KIAA1328: variants seen among roughly 807,000 people sequenced by gnomAD.
KIAA1328 encodes KIAA1328.
A neutral mutation model predicts 68.1 loss-of-function variants in KIAA1328; 52 were observed. The ratio of observed to expected loss-of-function variants is 0.76; its 90% CI spans 0.61 to 0.96. The LOEUF (loss-of-function observed/expected upper bound fraction) is 0.96. KIAA1328 is among the 40% of genes least tolerant of loss of function. The pLI is 0.00. For missense variants in KIAA1328, 641 were observed against 677.6 expected (o/e 0.95, Z 0.60); for synonymous variants, 232 against 239.4 (o/e 0.97, Z 0.28).
At chr18:37,049,801 A>G (rs967592130) in intron 6 of KIAA1328, among the ~76,000 whole-genome samples, 5 of 152,152 alleles carry the variant, frequency 3.3e-5, no homozygotes, top group Non-Finnish European at 5.9e-5. Context: ...TTATTTGTCT[A>G]CAAATAGAGT....
At chr18:37,012,705 A>C (rs904208074) in intron 6 of KIAA1328, among the ~76,000 whole-genome samples, 9 of 152,202 alleles carry the variant, frequency 5.9e-5, no homozygotes, top group African/African-American at 1.9e-4. Flanking sequence ...TCTGTAAGCT[A>C]GAGACTAATT....
At chr18:37,179,237 AT>A (rs1216772392) in intron 9 of KIAA1328, among the ~76,000 whole-genome samples, 1 of 151,998 alleles carries the variant, frequency 6.6e-6, no homozygotes, top group African/African-American at 2.4e-5. Flanking sequence ...TTTTGATTTG[AT>A]TTTTGTATCT....
At chr18:37,129,902 C>A (rs2058482122) in intron 7 of KIAA1328, among the ~76,000 whole-genome samples, 1 of 151,904 alleles carries the variant, frequency 6.6e-6, no homozygotes, top group Non-Finnish European at 1.5e-5. Context: ...CTTCCTCCTA[C>A]CTAGTGTGGA....
chr18:36,977,558 TTGTC>T (rs1301245852), intron 6 of KIAA1328, among the ~76,000 whole-genome samples: 1 of 152,118 alleles, frequency 6.6e-6, no homozygotes, highest in African/African-American at 2.4e-5. Flanking sequence ...CTCAGATAAT[TTGTC>T]TGAGTACTCA....
chr18:36,869,033 A>T (rs1161987219), intron 4 of KIAA1328, among the ~76,000 whole-genome samples: 2 of 147,860 alleles, frequency 1.4e-5, no homozygotes, highest in Non-Finnish European at 3.0e-5. Context: ...TCAGTGACTC[A>T]GGTTTTTTTC....
At chr18:36,924,374 T>C (rs577068072) in intron 5 of KIAA1328, among the ~76,000 whole-genome samples, 4 of 151,944 alleles carry the variant, frequency 2.6e-5, no homozygotes, top group African/African-American at 9.7e-5. Flanking sequence ...AATGAGCATA[T>C]AAGGAAGGAG....
intron 6 of KIAA1328, among the ~76,000 whole-genome samples, chr18:37,001,625 T>C (rs1238436099): frequency 6.6e-6 from 1 of 152,102 alleles, no homozygotes; most frequent in African/African-American, 2.4e-5. Context: ...AACAGTATAC[T>C]AGCAAACCAA....
At chr18:37,156,525 GT>G (rs2059157169) in intron 7 of KIAA1328, among the ~76,000 whole-genome samples, 1 of 147,048 alleles carries the variant, frequency 6.8e-6, no homozygotes, top group Non-Finnish European at 1.5e-5. Flanking sequence ...GTAAATGTTT[GT>G]TTTCCATTTT....
intron 7 of KIAA1328, among the ~76,000 whole-genome samples, chr18:37,096,975 C>A (rs944042829): frequency 2.0e-5 from 3 of 151,768 alleles, no homozygotes; most frequent in African/African-American, 4.8e-5. Context: ...TGGATATTAG[C>A]CCTTTCTCAG....
chr18:36,870,263 A>G (rs2047901137), intron 4 of KIAA1328, among the ~76,000 whole-genome samples: 2 of 152,196 alleles, frequency 1.3e-5, no homozygotes, highest in Admixed American at 6.5e-5. Flanking sequence ...TTTGGAAGAG[A>G]TGATCAGTTT....
chr18:36,957,751 G>A (rs2051482766), intron 5 of KIAA1328, among the ~76,000 whole-genome samples: 1 of 152,082 alleles, frequency 6.6e-6, no homozygotes, highest in Non-Finnish European at 1.5e-5. Flanking sequence ...ACTCTTACCA[G>A]AACAGTGTTA....
chr18:37,150,951 G>A (rs937045955), intron 7 of KIAA1328, among the ~76,000 whole-genome samples: 5 of 152,100 alleles, frequency 3.3e-5, no homozygotes, highest in African/African-American at 1.2e-4. Flanking sequence ...TTGTCTGGGA[G>A]GTTCTGGTGT....
intron 9 of KIAA1328, among the ~76,000 whole-genome samples, chr18:37,217,457 G>T (rs2060466010): frequency 6.6e-6 from 1 of 152,144 alleles, no homozygotes. Flanking sequence ...GAAATTCTGG[G>T]TTGAAAATTC....
intron 7 of KIAA1328, among the ~76,000 whole-genome samples, chr18:37,121,250 C>T (rs1027014540): frequency 2.6e-5 from 4 of 151,998 alleles, no homozygotes; most frequent in Admixed American, 6.6e-5. Flanking sequence ...TTGAAAAACA[C>T]GAAAACGGCA....
chr18:36,971,598 C>T (rs2052215530), intron 6 of KIAA1328, among the ~76,000 whole-genome samples: 1 of 152,106 alleles, frequency 6.6e-6, no homozygotes, highest in South Asian at 2.1e-4. Context: ...CATTGCACTC[C>T]ACCCTGGACG....
intron 6 of KIAA1328, among the ~76,000 whole-genome samples, chr18:37,007,562 G>A (rs1361596818): frequency 1.3e-5 from 2 of 152,100 alleles, no homozygotes; most frequent in Non-Finnish European, 2.9e-5. Flanking sequence ...AGTGCCTGTG[G>A]TTTTCCAAGT....
intron 7 of KIAA1328, among the ~76,000 whole-genome samples, chr18:37,103,304 AG>A (rs2057677652): frequency 6.6e-6 from 1 of 152,232 alleles, no homozygotes; most frequent in South Asian, 2.1e-4. Context: ...GTATGAAAAT[AG>A]ACACATAGAC....
At chr18:37,114,035 C>T (rs2058026978) in intron 7 of KIAA1328, among the ~76,000 whole-genome samples, 1 of 152,170 alleles carries the variant, frequency 6.6e-6, no homozygotes, top group South Asian at 2.1e-4. Context: ...TACAAAGAGA[C>T]TTAGACTCCC....
rs539376110 is a variant in KIAA1328, at chr18:37,146,353, G to A, written c.1233-13847G>A. Among the ~76,000 whole-genome samples the A allele has an allele frequency of 4.8e-4, 73 of 152,094 alleles. 1 individual carries two copies. Among genetic ancestry groups the A allele is most frequent in the South Asian group, 4.1e-4 (2 of 4,828 alleles). The stretch of plus-strand genomic sequence containing the variant: ...GAGAGCATGCAGTATTTGGTTTTCT[G>A]TTCCTGCATTAGGTTGCTAAGGATA... On this transcript the variant is annotated intron_variant, in intron 7 of 9. Transcript: ENST00000280020.
Sources: gnomAD v4.1 joint callset for allele counts (sites outside exome capture counted in the v4.1 genomes callset) on GRCh38, gnomAD v4.1.1 for gene constraint, MANE v1.5 for transcripts, NCBI Gene and HGNC (gene_info 2026-07-23, HGNC 2026-07-21) for gene names.